ZNF536: variants seen among roughly 807,000 people sequenced by gnomAD.
ZNF536 encodes zinc finger protein 536.
ZNF536 carries 13 observed loss-of-function variants against 84.5 expected under a neutral mutation model. That is an observed-to-expected ratio of 0.15 (90% CI 0.10 to 0.24). The LOEUF (loss-of-function observed/expected upper bound fraction) is 0.24, where lower values mean the gene tolerates loss of function less well. Among genes scored for constraint, ZNF536 ranks in the 10% least tolerant of loss-of-function variants. ZNF536 has a pLI of 1.00. For missense variants in ZNF536, 1,536 were observed against 1,747.5 expected (o/e 0.88, Z 2.16); for synonymous variants, 811 against 742.5 (o/e 1.09, Z -1.50).
intron 1 of ZNF536, among the ~76,000 whole-genome samples, chr19:30,260,942 C>T (rs2025175648): frequency 6.6e-6 from 1 of 152,166 alleles, no homozygotes; most frequent in South Asian, 2.1e-4. Context: ...AATGTGGCTC[C>T]CACTATGTGA....
rs2146234329 is a variant in ZNF536, at chr19:30,549,050, A to T, written c.3431A>T (p.Asp1144Val). 2 of 1,614,172 alleles carry T rather than the reference A, an allele frequency of 1.2e-6. No individual in the cohort carries two copies. The highest frequency in any genetic ancestry group is 1.7e-6 in the Non-Finnish European group (2 of 1,180,038). Residue 1144 changes from aspartate to valine, a missense_variant, in exon 4 of 5, where the codon GAT becomes GTT. Coordinates refer to ENST00000355537, the MANE Select transcript of ZNF536 (RefSeq NM_014717.3). ...GATGGAAAGGCCCACTCTGAAGAGG[A>T]TGTCCCCATCCTGATCCCCGAAACC... ...EPDGKAHSEE[D>V]VPILIPETTS... is the part of the protein sequence containing the mutation.
At chr19:30,455,634 G>T (rs2148359468) in intron 2 of ZNF536, among the ~76,000 whole-genome samples, 1 of 152,320 alleles carries the variant, frequency 6.6e-6, no homozygotes, top group East Asian at 1.9e-4. Context: ...CCAAGAGGCA[G>T]AGGTTGCAGT....
At chr19:30,428,275 C>A (rs953453657) in intron 1 of ZNF536, among the ~76,000 whole-genome samples, 1 of 152,168 alleles carries the variant, frequency 6.6e-6, no homozygotes, top group Non-Finnish European at 1.5e-5. Context: ...CAGGAGCAGA[C>A]GCAGGCTTTG....
chr19:30,238,431 CCACACA>C (rs57536360), intron 1 of ZNF536, among the ~76,000 whole-genome samples: 4,148 of 149,922 alleles, frequency 0.028, 188 homozygotes, highest in African/African-American at 0.094. Context: ...TGTATCTAGG[CCACACA>C]CACACACACA....
At chr19:30,343,293 T>C (rs563808093) in intron 2 of ZNF536, among the ~76,000 whole-genome samples, 1 of 152,372 alleles carries the variant, frequency 6.6e-6, no homozygotes, top group South Asian at 2.1e-4. Flanking sequence ...ACATTGCCTA[T>C]TTTAGAGACT....
chr19:30,450,075 A>ATTTTTTTT (rs34039352), intron 2 of ZNF536, among the ~76,000 whole-genome samples: 4 of 131,834 alleles, frequency 3.0e-5, no homozygotes, highest in African/African-American at 5.7e-5. Context: ...TAAGATCTTC[A>ATTTTTTTT]TTTTTTTTTT....
intron 1 of ZNF536, among the ~76,000 whole-genome samples, chr19:30,433,397 T>C (rs1190264306): frequency 1.3e-5 from 2 of 152,260 alleles, no homozygotes; most frequent in African/African-American, 4.8e-5. Flanking sequence ...GATGTACCCA[T>C]GTCTTGCCAC....
chr19:30,633,484 A>G (rs1268733861), intron 1 of ZNF536, among the ~76,000 whole-genome samples: 1 of 152,178 alleles, frequency 6.6e-6, no homozygotes, highest in Non-Finnish European at 1.5e-5. Flanking sequence ...TATATTTGCC[A>G]TGTAATGCAA....
At chr19:30,321,266 G>A (rs1042731879) in intron 2 of ZNF536, among the ~76,000 whole-genome samples, 2 of 152,206 alleles carry the variant, frequency 1.3e-5, no homozygotes, top group Non-Finnish European at 2.9e-5. Context: ...AGTTTAAAAT[G>A]GTAGAAAGGG....
At chr19:30,514,380 G>A (rs1208415141) in intron 2 of ZNF536, among the ~76,000 whole-genome samples, 1 of 152,026 alleles carries the variant, frequency 6.6e-6, no homozygotes, top group African/African-American at 2.4e-5. Flanking sequence ...CTCTCTTTCT[G>A]ATTGGTTTTC....
intron 1 of ZNF536, among the ~76,000 whole-genome samples, chr19:30,563,256 C>T (rs1222877275): frequency 1.3e-5 from 2 of 152,146 alleles, no homozygotes; most frequent in African/African-American, 2.4e-5. Flanking sequence ...CTGGATGGCC[C>T]ATCTGGGATT....
Position 30,443,598 on chromosome 19 carries a change from G to T in ZNF536, c.36G>T (p.Ser12=), listed in dbSNP as rs141139128. ...EEASLCLGVS[S]AEPEAEPHLS... is the part of the protein sequence containing the mutation. ...CGAGCCTGTGCCTTGGAGTGTCTTC[G>T]GCGGAGCCGGAAGCTGAGCCCCACC... Residue 12 remains serine (S), a synonymous_variant, in exon 2 of 5, where the codon TCG becomes TCT. Transcript: ENST00000355537. 6 of 1,582,228 alleles carry T rather than the reference G, an allele frequency of 3.8e-6. No homozygotes were observed. The highest frequency in any genetic ancestry group is 1.4e-5 in the African/African-American group (1 of 73,736).
intron 1 of ZNF536, among the ~76,000 whole-genome samples, chr19:30,585,115 CAA>C (rs953877500): frequency 7.4e-6 from 1 of 135,026 alleles, no homozygotes. Context: ...ACTTGCCACT[CAA>C]AAAAAAAAAG....
chr19:30,340,397 T>A (rs1363620907), intron 2 of ZNF536, among the ~76,000 whole-genome samples: 2 of 152,102 alleles, frequency 1.3e-5, no homozygotes, highest in Non-Finnish European at 2.9e-5. Context: ...GCCCCTGGAC[T>A]CCCCCTACAG....
chr19:30,290,488 A>C (rs955290819), intron 2 of ZNF536, among the ~76,000 whole-genome samples: 3 of 152,026 alleles, frequency 2.0e-5, no homozygotes, highest in African/African-American at 7.2e-5. Flanking sequence ...CCCAGGCTGC[A>C]CTTGAACTTC....
At chr19:30,462,366 G>C (rs2053180258) in intron 2 of ZNF536, among the ~76,000 whole-genome samples, 1 of 152,022 alleles carries the variant, frequency 6.6e-6, no homozygotes, top group Non-Finnish European at 1.5e-5. Context: ...GGATATATTG[G>C]TGGGTGTGCT....
chr19:30,480,690 A>G (rs1032189707), intron 2 of ZNF536, among the ~76,000 whole-genome samples: 2 of 152,206 alleles, frequency 1.3e-5, no homozygotes, highest in Non-Finnish European at 2.9e-5. Context: ...CGTTCTGCAC[A>G]TGTATCCCAG....
At chr19:30,707,324 A>G (rs2052283531) in intron 1 of ZNF536, among the ~76,000 whole-genome samples, 1 of 152,206 alleles carries the variant, frequency 6.6e-6, no homozygotes, top group Non-Finnish European at 1.5e-5. Context: ...CATGAAGAAC[A>G]GGGACCATTT....
intron 1 of ZNF536, among the ~76,000 whole-genome samples, chr19:30,603,258 A>C (rs1361682586): frequency 6.6e-6 from 1 of 152,230 alleles, no homozygotes; most frequent in Non-Finnish European, 1.5e-5. Context: ...TAGAGGCCTT[A>C]AGAGACACAT....
Sources: allele counts gnomAD v4.1 joint callset (sites outside exome capture counted in the v4.1 genomes callset), GRCh38; gene constraint gnomAD v4.1.1; transcripts MANE v1.5; gene names NCBI Gene and HGNC (gene_info 2026-07-23, HGNC 2026-07-21).